GREB1: variants seen among roughly 807,000 people sequenced by gnomAD.
GREB1 encodes growth regulating estrogen receptor binding 1.
A neutral mutation model predicts 200.7 loss-of-function variants in GREB1; 106 were observed. The ratio of observed to expected loss-of-function variants is 0.53; its 90% CI spans 0.45 to 0.62. The LOEUF (loss-of-function observed/expected upper bound fraction) is 0.62. GREB1 is among the 20% of genes least tolerant of loss of function. The pLI, the probability that GREB1 is intolerant of heterozygous loss-of-function variation, is 0.00. For synonymous variants in GREB1, 1,132 were observed against 1,092.4 expected (o/e 1.04, Z -0.72); for missense variants, 2,243 against 2,556.8 (o/e 0.88, Z 2.65).
At chr2:11,557,778 G>A (rs1358453039) in intron 2 of GREB1, among the ~76,000 whole-genome samples, 1 of 152,208 alleles carries the variant, frequency 6.6e-6, no homozygotes, top group Non-Finnish European at 1.5e-5. Flanking sequence ...GTGGGTCTGA[G>A]AGAAACTAGA....
In GREB1 at chr2:11,635,292, T is replaced by A; in HGVS notation, c.5233T>A (p.Phe1745Ile). 1.2e-6 allele frequency: 2 copies of A among 1,614,186 alleles called. No individual in the cohort carries two copies. The highest frequency in any genetic ancestry group is 1.7e-6 in the Non-Finnish European group (2 of 1,180,012). ...QNRFLCDDVD[F>I]NLRVHSAGLL... The stretch of plus-strand genomic sequence containing the variant: ...TAGGTTCCTGTGTGACGATGTAGAC[T>A]TCAACCTGCGGGTGCACAGCGCCGG... Residue 1745 changes from phenylalanine (F) to isoleucine (I), a missense_variant, in exon 30 of 33, where the codon TTC becomes ATC. Physicochemically the swap from Phe to Ile is conservative, Grantham distance 21 (BLOSUM62 0). This residue lies in a region of GREB1 where 478 missense variants were observed against 616.3 expected (regional missense o/e 0.78). Transcript: ENST00000381486.
intron 25 of GREB1, among the ~76,000 whole-genome samples, chr2:11,628,310 C>G (rs1009307447): frequency 6.6e-6 from 1 of 152,124 alleles, no homozygotes; most frequent in Admixed American, 6.5e-5. Context: ...GGGAGAGAGC[C>G]AGAGTTGGTG....
chr2:11,634,501 T>C, intron 29 of GREB1, 152 bp downstream of exon 29: 2 of 619,988 alleles, frequency 3.2e-6, no homozygotes, highest in South Asian at 3.9e-5. Flanking sequence ...CTGAATAATT[T>C]TGAGTATTCG....
chr2:11,616,276 G>C (rs1683394978), intron 20 of GREB1, among the ~76,000 whole-genome samples: 1 of 152,192 alleles, frequency 6.6e-6, no homozygotes, highest in African/African-American at 2.4e-5. Context: ...TACTTTACCT[G>C]CAAAACCCTG....
intron 1 of GREB1, among the ~76,000 whole-genome samples, chr2:11,518,118 A>T (rs191125121): frequency 2.0e-5 from 3 of 152,224 alleles, no homozygotes; most frequent in Non-Finnish European, 4.4e-5. Context: ...TGGAATATGC[A>T]TGCTAATTTT....
At chr2:11,520,487 T>C (rs1438717333) in intron 1 of GREB1, among the ~76,000 whole-genome samples, 1 of 152,202 alleles carries the variant, frequency 6.6e-6, no homozygotes, top group African/African-American at 2.4e-5. Context: ...GCCTATCAGC[T>C]GCTGGCCATT....
chr2:11,600,820 A>G lies in GREB1; in HGVS notation c.2354A>G (p.Tyr785Cys), dbSNP rs1293896312. ...DLVSSTVHNL[Y>C]SQSDPSVGLV... Reference sequence around the variant, plus strand: ...CTCAGTAGCACTGTTCATAACCTCTATTCTCAAAGTGACCCGTCGGTGGGA... The same window carrying G: ...CTCAGTAGCACTGTTCATAACCTCTGTTCTCAAAGTGACCCGTCGGTGGGA... The change falls in exon 16 of 33, where the codon TAT becomes TGT. Residue 785 changes from tyrosine to cysteine, a missense_variant. Coordinates refer to ENST00000381486, the MANE Select transcript of GREB1 (RefSeq NM_014668.4). 3.1e-6 allele frequency: 5 copies of G among 1,613,836 alleles called. No individual in the cohort carries two copies. The highest frequency in any genetic ancestry group is 2.2e-5 in the East Asian group (1 of 44,898).
At position 11,615,309 on chromosome 2, in the gene GREB1, C is replaced by T. The variant is rs1464022667; in HGVS notation, c.3322+19C>T. The T allele has an allele frequency of 2.6e-6, 4 of 1,553,514 alleles. No homozygotes were observed. The South Asian group carries it at 3.5e-5, about 14-fold the overall frequency. ...ACAGAAGGTGAGGGATGGCTGCCCT[C>T]AGCCTACTTGTCCCTGTCTGCATGT... On this transcript the variant is annotated intron_variant, in intron 20 of 32. Coordinates refer to ENST00000381486, the MANE Select transcript of GREB1 (RefSeq NM_014668.4).
In GREB1 at chr2:11,629,230, G is replaced by A. The variant is rs1472865153; in HGVS notation, c.4450-718G>A. Among the ~76,000 whole-genome samples the A allele has an allele frequency of 3.3e-5, 5 of 152,250 alleles. No individual in the cohort carries two copies. Among genetic ancestry groups the A allele is most frequent in the African/African-American group, 7.2e-5 (3 of 41,556 alleles). On this transcript the variant is annotated intron_variant, in intron 25 of 32. Transcript: ENST00000381486. The surrounding 1 kb of genome is among the most constrained non-coding windows in gnomAD (Gnocchi z 5.2). ...GGAGGGGATGTCAGTAGGAAGGGCC[G>A]TGGGTCGGTGGGGTCGTAAGAGGAC...
In GREB1 at chr2:11,640,404, A is replaced by G. The variant is rs753943267; in HGVS notation, c.5800A>G (p.Asn1934Asp). 6.2e-7 allele frequency: 1 copy of G among 1,614,204 alleles called. No individual in the cohort carries two copies. The highest frequency in any genetic ancestry group is 1.7e-5 in the Admixed American group (1 of 60,026). ...GCTGCGCGATGAGTTCCAGACCGCC[A>G]ATGCCAGGGAAGACCGGCCGCTCTT... is the stretch of plus-strand genomic sequence containing the variant. ...FRLRDEFQTANAREDRPLFFL... is the reference protein window; with the variant it reads ...FRLRDEFQTADAREDRPLFFL... The change falls in exon 33 of 33, where the codon AAT becomes GAT. Residue 1934 changes from asparagine (N) to aspartate (D), a missense_variant. Transcript: ENST00000381486. This position sits in a 1 kb window ranked among gnomAD's most constrained non-coding sequence, Gnocchi z 4.6.
At chr2:11,592,052 CA>C in intron 10 of GREB1, 3 of 976,574 alleles carry the variant, frequency 3.1e-6, no homozygotes, top group Non-Finnish European at 3.7e-6. Flanking sequence ...ATGTTCTACA[CA>C]TTTACCACTG....
intron 26 of GREB1, 138 bp downstream of exon 26, chr2:11,630,247 C>A: frequency 2.7e-6 from 2 of 752,148 alleles, no homozygotes; most frequent in Non-Finnish European, 2.1e-6. Context: ...TGGTGTCGCG[C>A]ACGGGCTCTG....
At chr2:11,573,395 G>A (rs985910032) in intron 4 of GREB1, among the ~76,000 whole-genome samples, 3 of 152,174 alleles carry the variant, frequency 2.0e-5, no homozygotes, top group South Asian at 2.1e-4. Flanking sequence ...ATCCACACCC[G>A]GCAGGAATTT....
chr2:11,622,708 G>T (rs1183457534), intron 23 of GREB1, among the ~76,000 whole-genome samples: 1 of 152,190 alleles, frequency 6.6e-6, no homozygotes, highest in East Asian at 1.9e-4. Flanking sequence ...CTGGCTGGGG[G>T]GCATTTAGAT....
chr2:11,569,123 G>A (rs771414084), intron 4 of GREB1, among the ~76,000 whole-genome samples: 2 of 152,174 alleles, frequency 1.3e-5, no homozygotes, highest in African/African-American at 2.4e-5. Context: ...TAAAATCTAG[G>A]TGTGTGTTTC....
At chr2:11,530,034 A>T (rs967744238), upstream of GREB1, among the ~76,000 whole-genome samples, 7 of 152,102 alleles carry the variant, frequency 4.6e-5, no homozygotes, top group Admixed American at 1.3e-4. Context: ...TAAGACCCCT[A>T]GGTGATTTTT....
rs376224076 is a variant in GREB1, at chr2:11,633,042, A to G, written c.4970A>G (p.Asn1657Ser). The change falls in exon 28 of 33, where the codon AAC becomes AGC. Residue 1657 changes from asparagine (N) to serine (S), a missense_variant. Transcript: ENST00000381486. This position sits in a 1 kb window ranked among gnomAD's most constrained non-coding sequence, Gnocchi z 4.1. The stretch of plus-strand genomic sequence containing the variant: ...GTGATGTGGAACGTGGTGGATGTCA[A>G]CTCTGCTGGGGAGAGAAGCAGGTGA... ...SCVMWNVVDV[N>S]SAGERSREFS... 153 of 1,614,020 alleles carry G rather than the reference A, an allele frequency of 9.5e-5. 1 individual carries two copies. The African/African-American group carries it at 1.4e-3, about 14-fold the overall frequency.
chr2:11,613,954 GTC>G (rs1306889399), intron 19 of GREB1, among the ~76,000 whole-genome samples: 1 of 152,158 alleles, frequency 6.6e-6, no homozygotes. Flanking sequence ...TGCTGCGCAA[GTC>G]TGAGCACGGG....
intron 5 of GREB1, among the ~76,000 whole-genome samples, chr2:11,577,234 T>C (rs1678960002): frequency 6.6e-6 from 1 of 152,142 alleles, no homozygotes; most frequent in Non-Finnish European, 1.5e-5. Context: ...TTGATTGTCA[T>C]GACTGGATGG....
Sources: gnomAD v4.1 joint callset for allele counts (sites outside exome capture counted in the v4.1 genomes callset) on GRCh38, gnomAD v4.1.1 for gene constraint, gnomAD v4.1.1 regional missense constraint, Gnocchi (gnomAD v3.1) non-coding constraint, MANE v1.5 for transcripts, NCBI Gene and HGNC (gene_info 2026-07-23, HGNC 2026-07-21) for gene names.